The following DNAH17 variants were observed in gnomAD, a reference collection of about 807,000 sequenced individuals.
DNAH17 encodes axonemal beta dynein heavy chain 17.
In DNAH17, 376 loss-of-function variants were observed where a neutral mutation model predicts 485.6. The ratio of observed to expected loss-of-function variants is 0.77; its 90% CI spans 0.71 to 0.84. The LOEUF is 0.84. DNAH17 is among the 40% of genes least tolerant of loss of function. DNAH17 has a pLI of 0.00. For missense variants in DNAH17, 6,370 were observed against 5,839.3 expected (o/e 1.09, Z -2.96); for synonymous variants, 3,031 against 2,405.9 (o/e 1.26, Z -7.60).
At chr17:78,552,472 G>T (rs909295472) in intron 15 of DNAH17, among the ~76,000 whole-genome samples, 1 of 151,786 alleles carries the variant, frequency 6.6e-6, no homozygotes, top group African/African-American at 2.4e-5. Context: ...AGTTCCCAGG[G>T]AGTCTTTGCC....
At chr17:78,461,066 G>GCCACCCCCAACCAGCAAGGAGC (rs2088096451) in intron 58 of DNAH17, among the ~76,000 whole-genome samples, 1 of 151,848 alleles carries the variant, frequency 6.6e-6, no homozygotes, top group Non-Finnish European at 1.5e-5. Context: ...CTCAACCTCA[G>GCCACCCCCAACCAGCAAGGAGC]CCACCCCCAA....
chr17:78,502,764 T>G (rs2090344714), intron 32 of DNAH17, 66 bp from the exon 33 acceptor site: 1 of 1,592,722 alleles, frequency 6.3e-7, no homozygotes, highest in African/African-American at 1.4e-5. Context: ...ACGCAGACAT[T>G]CCTGCTGAAA....
Position 78,494,026 on chromosome 17 carries a change from G to T in DNAH17, c.6408+10C>A. The T allele has an allele frequency of 6.2e-7, 1 of 1,610,468 alleles. No individual in the cohort carries two copies. Among genetic ancestry groups the T allele is most frequent in the Non-Finnish European group, 8.5e-7 (1 of 1,178,876 alleles). ...GGATCCCTGCAAGGTCCCTGGAGCG[G>T]GTGACACACCTGAGATTTGCCGCTG... is the stretch of plus-strand genomic sequence containing the variant. On this transcript the variant is annotated intron_variant, in intron 41 of 80. Transcript: ENST00000389840.
At chr17:78,428,742 G>A (rs748610404) in intron 76 of DNAH17, 35 bp from the exon 77 acceptor site, 1 of 1,609,850 alleles carries the variant, frequency 6.2e-7, no homozygotes, top group African/African-American at 1.3e-5. Flanking sequence ...CAGAGGCAAA[G>A]CTGTGCAGGC....
intron 70 of DNAH17, 85 bp from the exon 71 acceptor site, chr17:78,444,882 G>A: frequency 1.5e-6 from 2 of 1,346,072 alleles, no homozygotes; most frequent in Non-Finnish European, 1.0e-6. Context: ...TCAAGGAGGA[G>A]AGGCCATTAC....
intron 44 of DNAH17, 36 bp downstream of exon 44, chr17:78,490,663 C>A: frequency 6.3e-7 from 1 of 1,576,704 alleles, no homozygotes; most frequent in Middle Eastern, 1.7e-4. Flanking sequence ...TTTTCCCTGC[C>A]GAGGTTTGGA....
chr17:78,565,988 AAAC>A (rs745326104), intron 11 of DNAH17, among the ~76,000 whole-genome samples: 33 of 152,022 alleles, frequency 2.2e-4, no homozygotes, highest in Middle Eastern at 6.8e-3. Context: ...ACAAAACAAA[AAAC>A]AAACAAACCC....
chr17:78,486,938 C>T (rs1246176105), intron 44 of DNAH17, among the ~76,000 whole-genome samples: 1 of 149,346 alleles, frequency 6.7e-6, no homozygotes, highest in African/African-American at 2.5e-5. Context: ...CATTTCATTA[C>T]ATCATCTGGA....
intron 30 of DNAH17, 27 bp downstream of exon 30, chr17:78,506,693 C>CA (rs1226244198): frequency 5.6e-6 from 9 of 1,613,328 alleles, no homozygotes; most frequent in Non-Finnish European, 7.6e-6. Context: ...TTGGCTTAAA[C>CA]ACCGGAATGC....
At chr17:78,483,740 A>G (rs6501219) in intron 48 of DNAH17, among the ~76,000 whole-genome samples, 113,878 of 151,698 alleles carry the variant, frequency 0.75, 42,885 homozygotes, top group Admixed American at 0.82. Flanking sequence ...GCATGAGGCC[A>G]GGCTTCATGA....
At chr17:78,510,746 T>A (rs2090612495) in intron 26 of DNAH17, 1 of 348,738 alleles carries the variant, frequency 2.9e-6, no homozygotes, top group Admixed American at 4.5e-5. Context: ...CTGGGCGGAA[T>A]TGCGGCCCCC....
At chr17:78,514,035 T>C (rs762701725) in intron 26 of DNAH17, among the ~76,000 whole-genome samples, 2 of 152,122 alleles carry the variant, frequency 1.3e-5, no homozygotes, top group Non-Finnish European at 2.9e-5. Flanking sequence ...CTGTGGGATA[T>C]TCCTGGAAAG....
At chr17:78,522,537 C>A (rs1050707950) in intron 25 of DNAH17, 1 of 307,792 alleles carries the variant, frequency 3.2e-6, no homozygotes, top group Non-Finnish European at 6.4e-6. Context: ...GATCTGCCAG[C>A]CCCTAAGTCA....
chr17:78,542,028 A>G (rs1172875565), intron 17 of DNAH17, among the ~76,000 whole-genome samples: 10 of 151,726 alleles, frequency 6.6e-5, no homozygotes, highest in African/African-American at 4.9e-5. Flanking sequence ...ATAATGGCCC[A>G]TCCCCCGGGT....
Position 78,455,645 on chromosome 17 carries a change from T to C in DNAH17, c.10169A>G (p.Lys3390Arg), listed in dbSNP as rs1357851185. 6.5e-7 allele frequency: 1 copy of C among 1,546,824 alleles called. No individual in the cohort carries two copies. Among genetic ancestry groups the C allele is most frequent in the Admixed American group, 2.0e-5 (1 of 50,406 alleles). ...CCTGGCCAGGACTCCACTCCTTACC[T>C]TTAAGTTATGTATGTAAGGGATCCA... ...KFWIPYIHNL[K>R]VPIPITNGLD... Residue 3390 changes from lysine to arginine, a missense_variant and splice_region_variant, in exon 63 of 81, where the codon AAG becomes AGG. By Grantham distance (26) the Lys-to-Arg change is conservative. Coordinates refer to ENST00000389840, the MANE Select transcript of DNAH17 (RefSeq NM_173628.4).
At chr17:78,570,874 A>AG (rs1384297516) in intron 6 of DNAH17, 74 bp downstream of exon 6, 61 of 800,004 alleles carry the variant, frequency 7.6e-5, no homozygotes, top group African/African-American at 5.9e-4. Flanking sequence ...AAAAAAAAAA[A>AG]AAAAGAAAAA....
chr17:78,464,568 C>T (rs1459217949), intron 56 of DNAH17, among the ~76,000 whole-genome samples: 1 of 152,228 alleles, frequency 6.6e-6, no homozygotes, highest in African/African-American at 2.4e-5. Flanking sequence ...GCCCTCGGCA[C>T]CATCTTTCAA....
At chr17:78,504,861 A>G (rs2090433235) in intron 31 of DNAH17, among the ~76,000 whole-genome samples, 1 of 150,222 alleles carries the variant, frequency 6.7e-6, no homozygotes, top group African/African-American at 2.5e-5. Flanking sequence ...CTTTGGCAAA[A>G]GCCATGGAAA....
chr17:78,543,165 G>A lies in DNAH17; in HGVS notation c.2532+692C>T, dbSNP rs528825910. 2.0e-5 allele frequency among the ~76,000 whole-genome samples: 3 copies of A among 152,298 alleles called. No individual in the cohort carries two copies. In the South Asian group the frequency reaches 6.2e-4, roughly 32 times the overall value. ...AGTCTCACTCTTTCACCCAGGCTGG[G>A]GTGCAGTGGTGCGATCTTGGTTCAC... On this transcript the variant is annotated intron_variant, in intron 17 of 80. Coordinates refer to ENST00000389840, the MANE Select transcript of DNAH17 (RefSeq NM_173628.4).
Sources: allele counts gnomAD v4.1 joint callset (sites outside exome capture counted in the v4.1 genomes callset), GRCh38; gene constraint gnomAD v4.1.1; transcripts MANE v1.5; gene names NCBI Gene and HGNC (gene_info 2026-07-23, HGNC 2026-07-21).